Variants in DNAH11 observed in about 807,000 individuals in gnomAD.
DNAH11 encodes dynein axonemal heavy chain 11.
A neutral mutation model predicts 526.0 loss-of-function variants in DNAH11; 442 were observed. The observed-to-expected ratio is 0.84, with a 90% CI of 0.78 to 0.91. DNAH11 has a LOEUF of 0.91. Ranked by LOEUF, DNAH11 falls within the 40% of genes least tolerant of loss-of-function variation. DNAH11 has a pLI of 0.00. For missense variants in DNAH11, 6,989 were observed against 5,448.7 expected (o/e 1.28, Z -8.90); for synonymous variants, 2,461 against 1,935.9 (o/e 1.27, Z -7.12).
At chr7:21,749,169 C>T (rs1170505289) in intron 52 of DNAH11, among the ~76,000 whole-genome samples, 1 of 152,142 alleles carries the variant, frequency 6.6e-6, no homozygotes, top group Non-Finnish European at 1.5e-5. Flanking sequence ...AGGAATAACA[C>T]GTTTAGGAAA....
chr7:21,840,790 A>C (rs1782176759), intron 65 of DNAH11, among the ~76,000 whole-genome samples: 2 of 152,232 alleles, frequency 1.3e-5, no homozygotes, highest in African/African-American at 2.4e-5. Context: ...TTACAGAAAT[A>C]ATTTTCAGAG....
chr7:21,892,931 G>A (rs1318190251), intron 77 of DNAH11, among the ~76,000 whole-genome samples: 1 of 151,990 alleles, frequency 6.6e-6, no homozygotes, highest in East Asian at 1.9e-4. Context: ...CAAATATATG[G>A]AATCATACAG....
chr7:21,591,127 G>T (rs1784661057), intron 13 of DNAH11, 58 bp from the exon 14 acceptor site: 1 of 1,520,968 alleles, frequency 6.6e-7, no homozygotes, highest in African/African-American at 1.4e-5. Context: ...ACACCTTTAA[G>T]ACAGAGAAAA....
intron 30 of DNAH11, among the ~76,000 whole-genome samples, chr7:21,678,938 T>C (rs1783026260): frequency 6.6e-6 from 1 of 152,182 alleles, no homozygotes; most frequent in Non-Finnish European, 1.5e-5. Context: ...CCCGTGTTCA[T>C]TGCAGCTTTA....
At position 21,900,835 on chromosome 7, in the gene DNAH11, G is replaced by A. The variant is rs531203951; in HGVS notation, c.13304-172G>A. 231 of 1,091,086 alleles carry A rather than the reference G, an allele frequency of 2.1e-4. No individual in the cohort carries two copies. In the African/African-American group the frequency reaches 3.4e-3, roughly 16 times the overall value. 67.6% of individuals were successfully genotyped at this position (1,091,086 alleles called of 1,614,324 possible). A position where few individuals can be genotyped will look rare whatever the true frequency, so the allele number is the denominator to read the frequency against. The stretch of plus-strand genomic sequence containing the variant: ...CAAAGCGGTGCCTCCGCTGCAGGCA[G>A]GGTAACCTACCTTTCAAAGCTCAGT... On this transcript the variant is annotated intron_variant, in intron 81 of 81. Transcript: ENST00000409508.
chr7:21,647,525 G>A (rs1027428447), intron 28 of DNAH11, among the ~76,000 whole-genome samples: 3 of 149,450 alleles, frequency 2.0e-5, no homozygotes, highest in African/African-American at 2.5e-5. Flanking sequence ...CGCCTCCCAG[G>A]TTCACGCCAT....
intron 45 of DNAH11, among the ~76,000 whole-genome samples, chr7:21,729,534 A>G (rs140268667): frequency 2.0e-5 from 3 of 152,298 alleles, no homozygotes; most frequent in East Asian, 3.9e-4. Flanking sequence ...TTTGCTAGCA[A>G]TAAGGAGAAA....
intron 14 of DNAH11, among the ~76,000 whole-genome samples, chr7:21,592,570 C>T (rs1171127970): frequency 6.6e-6 from 1 of 152,084 alleles, no homozygotes; most frequent in Admixed American, 6.5e-5. Flanking sequence ...CAGCCAGAGA[C>T]TTTCTGCTCA....
intron 68 of DNAH11, among the ~76,000 whole-genome samples, chr7:21,857,821 A>C (rs1782911005): frequency 6.6e-6 from 1 of 152,202 alleles, no homozygotes; most frequent in Non-Finnish European, 1.5e-5. Context: ...AAAAAAATTC[A>C]AAATGAATTT....
chr7:21,761,706 A>T (rs1786926172), intron 54 of DNAH11, among the ~76,000 whole-genome samples: 1 of 152,168 alleles, frequency 6.6e-6, no homozygotes, highest in African/African-American at 2.4e-5. Flanking sequence ...CCACCCTCCC[A>T]GGCCCACTCA....
intron 14 of DNAH11, among the ~76,000 whole-genome samples, chr7:21,594,312 T>C (rs1784794238): frequency 6.6e-6 from 1 of 152,230 alleles, no homozygotes; most frequent in Non-Finnish European, 1.5e-5. Context: ...GTCTTTGCAG[T>C]CCATCATCAT....
chr7:21,782,766 C>T (rs1486302483), intron 57 of DNAH11, among the ~76,000 whole-genome samples: 1 of 151,894 alleles, frequency 6.6e-6, no homozygotes, highest in African/African-American at 2.4e-5. Context: ...AAAAATCAGC[C>T]GGGTGTAGTG....
At chr7:21,619,486 G>C (rs934976951) in intron 24 of DNAH11, among the ~76,000 whole-genome samples, 1 of 152,126 alleles carries the variant, frequency 6.6e-6, no homozygotes, top group East Asian at 1.9e-4. Context: ...ACACCACTCT[G>C]AGTGCTTTAT....
intron 30 of DNAH11, among the ~76,000 whole-genome samples, chr7:21,662,637 G>A (rs1782282016): frequency 6.6e-6 from 1 of 151,800 alleles, no homozygotes; most frequent in South Asian, 2.1e-4. Context: ...TACTTTCTTA[G>A]CACTTTTCAA....
In DNAH11 at chr7:21,616,215, A is replaced by T; in HGVS notation, c.4018A>T (p.Ile1340Phe). 5.0e-6 allele frequency: 8 copies of T among 1,613,468 alleles called. No individual in the cohort carries two copies. The highest frequency in any genetic ancestry group is 6.8e-6 in the Non-Finnish European group (8 of 1,179,576). The change falls in exon 22 of 82, where the codon ATT (isoleucine) becomes TTT (phenylalanine). Residue 1340 changes from isoleucine to phenylalanine, a missense_variant. Coordinates refer to ENST00000409508, the MANE Select transcript of DNAH11 (RefSeq NM_001277115.2). ...WDVIIYVRRS[I>F]DNWTKTQWRQ... is the part of the protein sequence containing the mutation. ...TCTGCTTTTGCGTTTTCAGAGAAGC[A>T]TTGATAATTGGACTAAAACCCAGTG...
intron 57 of DNAH11, among the ~76,000 whole-genome samples, chr7:21,782,686 C>T (rs1054300351): frequency 2.0e-5 from 3 of 152,018 alleles, no homozygotes; most frequent in Admixed American, 6.5e-5. Context: ...CTGAAGCAGG[C>T]GGATAACTTG....
chr7:21,570,704 A>C (rs1478392897), intron 7 of DNAH11: 1 of 154,416 alleles, frequency 6.5e-6, no homozygotes, highest in Non-Finnish European at 1.4e-5. Context: ...AATTTAAATT[A>C]TCACACTTTT....
At chr7:21,556,907 GA>G (rs1283852013) in intron 2 of DNAH11, among the ~76,000 whole-genome samples, 1 of 151,886 alleles carries the variant, frequency 6.6e-6, no homozygotes, top group Non-Finnish European at 1.5e-5. Flanking sequence ...ACTAAAATAC[GA>G]AAACTAGCTG....
At chr7:21,706,703 C>T (rs1390728377) in intron 39 of DNAH11, among the ~76,000 whole-genome samples, 2 of 152,150 alleles carry the variant, frequency 1.3e-5, no homozygotes, top group Non-Finnish European at 1.5e-5. Context: ...TCAACAGGTA[C>T]GTAACCCGAG....
Sources: gnomAD v4.1 joint callset for allele counts (sites outside exome capture counted in the v4.1 genomes callset) on GRCh38, gnomAD v4.1.1 for gene constraint, MANE v1.5 for transcripts, NCBI Gene and HGNC (gene_info 2026-07-23, HGNC 2026-07-21) for gene names.